Variants in HUWE1 observed in about 807,000 individuals in gnomAD.
HUWE1 encodes HECT, UBA and WWE domain containing E3 ubiquitin protein ligase 1.
In HUWE1, 18 loss-of-function variants were observed where a neutral mutation model predicts 299.4. That is an observed-to-expected ratio of 0.06 (90% CI 0.04 to 0.09). The LOEUF is 0.09. Among genes scored for constraint, HUWE1 ranks in the 10% least tolerant of loss-of-function variants. The probability of loss-of-function intolerance (pLI) is 1.00; values close to 1 mark genes in which losing one functional copy is unlikely to be tolerated. For missense variants in HUWE1, 1,832 were observed against 3,462.3 expected (o/e 0.53, Z 11.82); for synonymous variants, 1,317 against 1,286.1 (o/e 1.02, Z -0.51).
intron 26 of HUWE1, 30 bp downstream of exon 26, chrX:53,604,559 T>C (rs782445757): frequency 8.3e-7 from 1 of 1,204,535 alleles, no homozygotes; most frequent in Non-Finnish European, 1.1e-6. Context: ...GCCTTTAAAT[T>C]AATATGTTCA....
At chrX:53,666,613 T>A (rs1004354068) in intron 3 of HUWE1, among the ~76,000 whole-genome samples, 3 of 111,353 alleles carry the variant, frequency 2.7e-5, no homozygotes, top group Non-Finnish European at 5.7e-5. Context: ...TAAACCAGCA[T>A]CCAAGACCTC....
intron 7 of HUWE1, 103 bp downstream of exon 7, chrX:53,645,208 A>T: frequency 1.1e-6 from 1 of 880,873 alleles, no homozygotes; most frequent in Non-Finnish European, 1.7e-6. Context: ...CAGTGAAGTT[A>T]ACTTAGGGAT....
Position 53,583,666 on chromosome X carries a change from G to C in HUWE1, c.5412C>G (p.Ile1804Met), listed in dbSNP as rs1473768723. ...AGCCTGAGCTCTGGGTCAAATTCAA[G>C]ATCATGCGGGTACTCTTCAGTTCTG... The part of the protein sequence containing the change: ...MFAELKSTRM[I>M]LNLTQSSGFN... Residue 1804 changes from isoleucine to methionine, a missense_variant, in exon 42 of 84, where the codon ATC (isoleucine) becomes ATG (methionine). Ile to Met is a conservative substitution (Grantham distance 10). Around this residue, in one of 15 missense-constraint regions of HUWE1, gnomAD observed 50 missense variants for 114.9 expected, o/e 0.44. Coordinates refer to ENST00000262854, the MANE Select transcript of HUWE1 (RefSeq NM_031407.7). 1.7e-6 allele frequency: 2 copies of C among 1,208,677 alleles called. No homozygotes were observed. The highest frequency in any genetic ancestry group is 2.2e-6 in the Non-Finnish European group (2 of 894,199).
Position 53,589,670 on chromosome X carries a change from G to T in HUWE1, c.4338C>A (p.Gly1446=). 8.3e-7 allele frequency: 1 copy of T among 1,211,685 alleles called. No homozygotes were observed. The highest frequency in any genetic ancestry group is 1.1e-6 in the Non-Finnish European group (1 of 895,467). Residue 1446 remains glycine, a synonymous_variant, in exon 36 of 84, where the codon GGC becomes GGA. Transcript: ENST00000262854. ...GCAGCTCATCAAGAAGGTGGAAGCA[G>T]CCTGGCAACATAGTATCTGTGAAAG... ...LHTFTDTMLP[G]CFHLLDELPD...
intron 33 of HUWE1, among the ~76,000 whole-genome samples, chrX:53,591,342 G>A: frequency 9.0e-6 from 1 of 111,293 alleles, no homozygotes. Context: ...GAAGATTCTC[G>A]ATTTCATCCT....
intron 3 of HUWE1, among the ~76,000 whole-genome samples, chrX:53,662,329 C>T (rs781996037): frequency 1.7e-4 from 19 of 111,814 alleles, no homozygotes; most frequent in Non-Finnish European, 3.2e-4. Context: ...TGCTTGTTTC[C>T]TCAACTGTGT....
rs782038850 is a variant in HUWE1 at position 53,616,959 on chromosome X, T to C, written c.1957+11A>G. 9.2e-6 allele frequency: 11 copies of C among 1,196,025 alleles called. No homozygotes were observed. The highest frequency in any genetic ancestry group is 1.2e-5 in the Non-Finnish European group (11 of 882,240). On this transcript the variant is annotated intron_variant, in intron 21 of 83. Coordinates refer to ENST00000262854, the MANE Select transcript of HUWE1 (RefSeq NM_031407.7). The stretch of plus-strand genomic sequence containing the variant: ...CAATTTTCTACTATAAAATAAATCT[T>C]AACAACTTACCAAGGGGATCAGAAC...
At chrX:53,596,274 A>T (rs1024729872) in intron 29 of HUWE1, among the ~76,000 whole-genome samples, 3 of 111,474 alleles carry the variant, frequency 2.7e-5, no homozygotes, top group Non-Finnish European at 5.7e-5. Flanking sequence ...ATATACTGAA[A>T]ATTTTGGAGA....
chrX:53,544,383 G>A (rs1009978108), intron 72 of HUWE1, among the ~76,000 whole-genome samples, 177 bp downstream of exon 72: 2 of 110,158 alleles, frequency 1.8e-5, no homozygotes, highest in Admixed American at 9.7e-5. Context: ...AATTTCCTAC[G>A]CAGATAGCTT....
chrX:53,548,826 C>G lies in HUWE1; in HGVS notation c.10035+133G>C, dbSNP rs1467241372. The G allele has an allele frequency of 5.3e-6, 3 of 566,850 alleles. No individual in the cohort carries two copies. In the African/African-American group the frequency reaches 6.8e-5, roughly 13 times the overall value. The allele number at this position is 566,850 out of a possible 1,213,427, so 46.7% of individuals were successfully genotyped here. On this transcript the variant is annotated intron_variant, in intron 67 of 83. Coordinates refer to ENST00000262854, the MANE Select transcript of HUWE1 (RefSeq NM_031407.7). ...CCCCAGAAATATATAGGACAATCCC[C>G]TAGAAACAATACAGGGCTCAACACT...
chrX:53,606,616 A>G (rs781978519), intron 25 of HUWE1, among the ~76,000 whole-genome samples: 8 of 112,227 alleles, frequency 7.1e-5, no homozygotes, highest in Non-Finnish European at 1.3e-4. Flanking sequence ...AAAATGTGGT[A>G]TATACACACA....
At chrX:53,607,775 G>A (rs782692687) in intron 24 of HUWE1, 76 bp from the exon 25 acceptor site, 98 of 649,600 alleles carry the variant, frequency 1.5e-4, no homozygotes, top group Non-Finnish European at 2.4e-4. Flanking sequence ...ATAAGGATGG[G>A]GTAGCCTTCT....
At chrX:53,536,786 G>A (rs2061081599) in intron 78 of HUWE1, 119 bp from the exon 79 acceptor site, 2 of 649,432 alleles carry the variant, frequency 3.1e-6, no homozygotes, top group Non-Finnish European at 4.8e-6. Context: ...AGATGAAGAG[G>A]TAAACAGAGA....
At chrX:53,570,269 G>A (rs1163565800) in intron 47 of HUWE1, among the ~76,000 whole-genome samples, 1 of 112,345 alleles carries the variant, frequency 8.9e-6, no homozygotes, top group African/African-American at 3.2e-5. Context: ...CTACAGGCAT[G>A]TGCTATTGCA....
In HUWE1 at chrX:53,573,894, T is replaced by C. The variant is rs782157157; in HGVS notation, c.6168A>G (p.Lys2056=). The C allele has an allele frequency of 3.1e-5, 38 of 1,209,956 alleles. No homozygotes were observed. Among genetic ancestry groups the C allele is most frequent in the Non-Finnish European group, 4.2e-5 (38 of 895,059 alleles). ...KEGDRASEEG[K]QKGKGSKPLM... ...AAGGTTTGCTGCCCTTGCCTTTCTG[T>C]TTGCCTTCCTCAGAGGCCCGGTCCC... Residue 2056 remains lysine, a synonymous_variant, in exon 47 of 84, where the codon AAA becomes AAG. Coordinates refer to ENST00000262854, the MANE Select transcript of HUWE1 (RefSeq NM_031407.7).
At chrX:53,563,536 C>T (rs1053261928) in intron 52 of HUWE1, among the ~76,000 whole-genome samples, 1 of 111,323 alleles carries the variant, frequency 9.0e-6, no homozygotes, top group South Asian at 3.8e-4. Context: ...CCCACCACCT[C>T]CCCCACACAG....
chrX:53,631,809 A>T, intron 9 of HUWE1, 195 bp from the exon 10 acceptor site: 1 of 435,324 alleles, frequency 2.3e-6, no homozygotes, highest in East Asian at 3.8e-5. Context: ...TTCTTAGGAA[A>T]GCTCCTTTAA....
intron 53 of HUWE1, 65 bp from the exon 54 acceptor site, chrX:53,562,309 C>T: frequency 8.6e-7 from 1 of 1,168,235 alleles, no homozygotes; most frequent in East Asian, 3.1e-5. Context: ...ACTGTGCAGG[C>T]CAGCAGGCTG....
intron 7 of HUWE1, among the ~76,000 whole-genome samples, chrX:53,637,970 CTTA>C (rs1484686499): frequency 9.0e-6 from 1 of 110,854 alleles, no homozygotes; most frequent in Non-Finnish European, 1.9e-5. Flanking sequence ...GTTCTTTGCC[CTTA>C]TTATTATTAA....
Sources: gnomAD v4.1 joint callset for allele counts (sites outside exome capture counted in the v4.1 genomes callset) on GRCh38, gnomAD v4.1.1 for gene constraint, gnomAD v4.1.1 regional missense constraint, MANE v1.5 for transcripts, NCBI Gene and HGNC (gene_info 2026-07-23, HGNC 2026-07-21) for gene names.